Variants in TFDP2 observed in about 807,000 individuals in gnomAD.
The protein encoded by TFDP2 is transcription factor Dp-2, also known as transcription factor Dp-2 (E2F dimerization partner 2).
In TFDP2, 17 loss-of-function variants were observed where a neutral mutation model predicts 59.3. That is an observed-to-expected ratio of 0.29 (90% CI 0.20 to 0.43). The LOEUF is 0.43. TFDP2 is among the 20% of genes least tolerant of loss of function. The pLI is 1.00. For synonymous variants in TFDP2, 180 were observed against 194.7 expected (o/e 0.92, Z 0.63); for missense variants, 391 against 528.8 (o/e 0.74, Z 2.56).
chr3:142,011,063 C>A (rs184657181), intron 3 of TFDP2, among the ~76,000 whole-genome samples: 6,624 of 63,438 alleles, frequency 0.1, 376 homozygotes, highest in East Asian at 0.16. Context: ...CTAGAAATAC[C>A]ATTTGACCCA....
chr3:142,043,003 A>C (rs1254924739), intron 3 of TFDP2, among the ~76,000 whole-genome samples: 1 of 151,316 alleles, frequency 6.6e-6, no homozygotes, highest in Non-Finnish European at 1.5e-5. Context: ...CGGCCTCCCA[A>C]AGTGCTGGGA....
intron 3 of TFDP2, among the ~76,000 whole-genome samples, chr3:142,052,699 G>A (rs1947696747): frequency 6.6e-6 from 1 of 152,094 alleles, no homozygotes; most frequent in Admixed American, 6.5e-5. Context: ...CAAAGTAGCT[G>A]GAACTACTAG....
At chr3:142,141,193 T>G (rs1003850673) in intron 1 of TFDP2, among the ~76,000 whole-genome samples, 1 of 152,196 alleles carries the variant, frequency 6.6e-6, no homozygotes, top group Non-Finnish European at 1.5e-5. Context: ...GGAGAGAATC[T>G]CCTGGTCTGC....
At chr3:142,139,410 T>C (rs2062854549) in intron 1 of TFDP2, among the ~76,000 whole-genome samples, 1 of 152,214 alleles carries the variant, frequency 6.6e-6, no homozygotes, top group Non-Finnish European at 1.5e-5. Context: ...CCTGTCATTA[T>C]GATGTTAGCT....
intron 2 of TFDP2, among the ~76,000 whole-genome samples, chr3:142,098,727 C>T (rs953545609): frequency 6.6e-6 from 1 of 152,090 alleles, no homozygotes; most frequent in African/African-American, 2.4e-5. Context: ...GCAACATAGC[C>T]AGACTCCATC....
At chr3:141,967,071 C>CCA (rs1479272137) in intron 9 of TFDP2, among the ~76,000 whole-genome samples, 1 of 151,882 alleles carries the variant, frequency 6.6e-6, no homozygotes, top group African/African-American at 2.4e-5. Flanking sequence ...TGTGCACCAC[C>CCA]ATGCCTGGCT....
At chr3:142,023,122 C>CAAAAAAAAAAAAAAAAAAAAAAAAAAA (rs765096570) in intron 3 of TFDP2, among the ~76,000 whole-genome samples, 2 of 59,594 alleles carry the variant, frequency 3.4e-5, no homozygotes, top group Non-Finnish European at 5.5e-5. Flanking sequence ...CCCTCCGTCT[C>CAAAAAAAAAAAAAAAAAAAAAAAAAAA]AAAAAAAAAA....
In TFDP2 at chr3:141,973,114, TATATATA is replaced by T. The variant is rs1208042312; in HGVS notation, c.663+927_663+933del. Reference sequence around the variant, plus strand: ...ATGTGTATATATATATATATATATATATATATATATTTTTTTTTTTTAAAGATGGAGT... The same window carrying T: ...ATGTGTATATATATATATATATATATTATTTTTTTTTTTTAAAGATGGAGT... On this transcript the variant is annotated intron_variant, in intron 8 of 12. Transcript: ENST00000489671. 1.5e-3 allele frequency among the ~76,000 whole-genome samples: 191 copies of T among 124,578 alleles called. 2 individuals are homozygous for T. Among genetic ancestry groups the T allele is most frequent in the African/African-American group, 5.3e-3 (163 of 30,938 alleles). The allele number at this position is 124,578 out of a possible 152,430, so 81.7% of individuals were successfully genotyped here.
intron 8 of TFDP2, among the ~76,000 whole-genome samples, chr3:141,972,171 A>G (rs1352942189): frequency 6.6e-6 from 1 of 152,158 alleles, no homozygotes; most frequent in Non-Finnish European, 1.5e-5. Context: ...CTGCATTTGA[A>G]AAGATGTTGT....
chr3:141,965,626 A>G (rs1367507109), intron 9 of TFDP2, among the ~76,000 whole-genome samples: 1 of 138,172 alleles, frequency 7.2e-6, no homozygotes, highest in African/African-American at 2.9e-5. Context: ...GGAAAGGAAA[A>G]AAGAAAAGAA....
chr3:141,967,987 G>T (rs1193279209), intron 9 of TFDP2, among the ~76,000 whole-genome samples: 2 of 151,708 alleles, frequency 1.3e-5, no homozygotes, highest in South Asian at 4.1e-4. Context: ...GCTCCAAAAT[G>T]TTCCATGGTT....
rs1935731445 is a variant in TFDP2, at chr3:141,949,807, A to ATTTTTCT, written c.*2705_*2706insAGAAAAA. Reference sequence around the variant, plus strand: ...CCTGGGCATTGTGACCACAACTTCCATTTTTTTTTTTTTTTTTTTTGAGAC... The same window carrying ATTTTTCT: ...CCTGGGCATTGTGACCACAACTTCCATTTTTCTTTTTTTTTTTTTTTTTTTTTGAGAC... On this transcript the variant is annotated 3_prime_UTR_variant, in exon 13 of 13. Transcript: ENST00000489671. 1 of 98,030 alleles carries ATTTTTCT rather than the reference A, an allele frequency of 1.0e-5. No individual in the cohort carries two copies. Among genetic ancestry groups the ATTTTTCT allele is most frequent in the African/African-American group, 4.4e-5 (1 of 22,924 alleles). 6.1% of individuals were successfully genotyped at this position (98,030 alleles called of 1,614,324 possible). A position where few individuals can be genotyped will look rare whatever the true frequency, so the allele number is the denominator to read the frequency against.
intron 6 of TFDP2, 24 bp downstream of exon 6, chr3:141,993,514 C>G: frequency 6.6e-7 from 1 of 1,519,442 alleles, no homozygotes; most frequent in South Asian, 1.2e-5. Flanking sequence ...ATCTTCCAAA[C>G]AAAATAGTTA....
intron 1 of TFDP2, among the ~76,000 whole-genome samples, chr3:142,128,867 A>G (rs1344427734): frequency 1.3e-5 from 2 of 151,740 alleles, no homozygotes; most frequent in East Asian, 3.9e-4. Flanking sequence ...TCCAAAGGAA[A>G]AAGAGGAAAA....
intron 1 of TFDP2, chr3:142,126,146 T>C (rs1248918272): frequency 1.3e-5 from 2 of 151,860 alleles, no homozygotes; most frequent in Non-Finnish European, 2.9e-5. Context: ...ATTAGCTACT[T>C]ACCAGTCATG....
In TFDP2 at chr3:141,959,042, T is replaced by C. The variant is rs1937042275; in HGVS notation, c.1051+632A>G. Among the ~76,000 whole-genome samples the C allele has an allele frequency of 3.6e-5, 5 of 138,890 alleles. No individual in the cohort carries two copies. The South Asian group carries it at 1.3e-3, about 35-fold the overall frequency. 91.1% of individuals were successfully genotyped at this position (138,890 alleles called of 152,430 possible). A position where few individuals can be genotyped will look rare whatever the true frequency, so the allele number is the denominator to read the frequency against. On this transcript the variant is annotated intron_variant, in intron 11 of 12. Coordinates refer to ENST00000489671, the MANE Select transcript of TFDP2 (RefSeq NM_001178139.2). ...ATCTCAGCTCATTGCAACCTCCACC[T>C]CCCAGGTTCAAGTGATTCTCCTGCC...
chr3:142,001,548 AC>A (rs1004419653), intron 4 of TFDP2, among the ~76,000 whole-genome samples: 6 of 152,238 alleles, frequency 3.9e-5, no homozygotes, highest in African/African-American at 1.4e-4. Flanking sequence ...CCACCCATGC[AC>A]GCTAATCTCC....
chr3:141,970,464 C>A (rs1330306452), intron 8 of TFDP2, among the ~76,000 whole-genome samples: 2 of 152,224 alleles, frequency 1.3e-5, no homozygotes, highest in African/African-American at 4.8e-5. Flanking sequence ...TATCTGCCAA[C>A]ACAAAAGTAA....
At chr3:141,989,410 T>C (rs1942499229) in intron 6 of TFDP2, 2 of 152,226 alleles carry the variant, frequency 1.3e-5, no homozygotes, top group South Asian at 4.1e-4. Flanking sequence ...TTCCCACAAA[T>C]ACAAATGCCA....
Sources: allele counts gnomAD v4.1 joint callset (sites outside exome capture counted in the v4.1 genomes callset), GRCh38; gene constraint gnomAD v4.1.1; transcripts MANE v1.5; gene names NCBI Gene and HGNC (gene_info 2026-07-23, HGNC 2026-07-21).